The following PTPRN2 variants were observed in gnomAD, a reference collection of about 807,000 sequenced individuals.
PTPRN2 encodes protein tyrosine phosphatase receptor type N2, also known as receptor-type tyrosine-protein phosphatase N2.
In PTPRN2, 74 loss-of-function variants were observed where a neutral mutation model predicts 118.8. That is an observed-to-expected ratio of 0.62 (90% confidence interval 0.52 to 0.76). The LOEUF (loss-of-function observed/expected upper bound fraction) is 0.76, where lower values mean the gene tolerates loss of function less well. Ranked by LOEUF, PTPRN2 falls within the 30% of genes least tolerant of loss-of-function variation. The pLI is 0.00. For missense variants in PTPRN2, 1,481 were observed against 1,394.4 expected (o/e 1.06, Z -0.99); for synonymous variants, 641 against 608.0 (o/e 1.05, Z -0.80).
rs139310117 is a variant in PTPRN2, at chr7:158,405,546, G to A, written c.163+84189C>T. On this transcript the variant is annotated intron_variant, in intron 2 of 22. Transcript: ENST00000389418. ...GAAGGGAACAACAAACAAAGCCTCC[G>A]CAAGCTTGCTAAGAAACGGGGCATG... Among the ~76,000 whole-genome samples the A allele has an allele frequency of 4.9e-3, 744 of 152,320 alleles. 23 individuals carry two copies. The highest frequency in any genetic ancestry group is 1.5e-3 in the East Asian group (8 of 5,188).
chr7:157,834,932 C>T (rs73513272), intron 12 of PTPRN2, among the ~76,000 whole-genome samples: 7,352 of 152,274 alleles, frequency 0.048, 473 homozygotes, highest in African/African-American at 0.14. Context: ...GCCTACTCCC[C>T]GAGCCACAGA....
At chr7:157,575,068 A>C (rs1420220805) in intron 19 of PTPRN2, among the ~76,000 whole-genome samples, 2 of 152,202 alleles carry the variant, frequency 1.3e-5, no homozygotes, top group African/African-American at 4.8e-5. Context: ...TTGGTGATGA[A>C]TCATAAACAC....
chr7:158,041,029 T>C (rs867557776), intron 11 of PTPRN2, among the ~76,000 whole-genome samples: 1 of 152,160 alleles, frequency 6.6e-6, no homozygotes, highest in Non-Finnish European at 1.5e-5. Flanking sequence ...CCACGCCCGG[T>C]CCACCTGCTT....
intron 21 of PTPRN2, among the ~76,000 whole-genome samples, chr7:157,554,688 C>T (rs1798793616): frequency 6.6e-6 from 1 of 152,200 alleles, no homozygotes; most frequent in Non-Finnish European, 1.5e-5. Context: ...CATCGAAAAG[C>T]CTGCAAACAG....
intron 3 of PTPRN2, among the ~76,000 whole-genome samples, chr7:158,221,876 T>C (rs1828405044): frequency 6.6e-6 from 1 of 151,964 alleles, no homozygotes; most frequent in South Asian, 2.1e-4. Flanking sequence ...CTTAAATTAT[T>C]CAACAAGAAA....
rs11352464 is a variant in PTPRN2 at position 158,003,413 on chromosome 7, C to CAAAAAA, written c.1723+77879_1723+77884dup. Among the ~76,000 whole-genome samples the CAAAAAA allele has an allele frequency of 1.1e-5, 1 of 87,398 alleles. No individual in the cohort carries two copies. The highest frequency in any genetic ancestry group is 4.5e-5 in the African/African-American group (1 of 22,272). The allele number at this position is 87,398 out of a possible 152,430, so 57.3% of individuals were successfully genotyped here. ...TGGGAGACACAGCGAGACTCCGTCT[C>CAAAAAA]AAAAAAAAAAAAAAAAAAAAATGAG... is the stretch of plus-strand genomic sequence containing the variant. On this transcript the variant is annotated intron_variant, in intron 11 of 22. Coordinates refer to ENST00000389418, the MANE Select transcript of PTPRN2 (RefSeq NM_002847.5). This position sits in a 1 kb window ranked among gnomAD's most constrained non-coding sequence, Gnocchi z 5.0.
intron 3 of PTPRN2, among the ~76,000 whole-genome samples, chr7:158,278,236 AG>A (rs1293956386): frequency 2.6e-5 from 4 of 152,154 alleles, no homozygotes; most frequent in Non-Finnish European, 5.9e-5. Context: ...AATCGAATGC[AG>A]GGACCACCCA....
chr7:157,748,121 GTC>G (rs1563067193), intron 12 of PTPRN2, among the ~76,000 whole-genome samples: 43 of 148,670 alleles, frequency 2.9e-4, no homozygotes, highest in South Asian at 4.3e-4. Context: ...TCCCTGAGCT[GTC>G]TGGTGTCTGG....
At chr7:157,976,533 A>AGCCTCCACCATGAGGCCTCCCGTGCT (rs1802763504) in intron 11 of PTPRN2, among the ~76,000 whole-genome samples, 1 of 149,112 alleles carries the variant, frequency 6.7e-6, no homozygotes, top group African/African-American at 2.4e-5. Flanking sequence ...ACCTTACTGG[A>AGCCTCCACCATGAGGCCTCCCGTGCT]GCCTCCACCA....
intron 2 of PTPRN2, among the ~76,000 whole-genome samples, chr7:158,470,019 G>A (rs1819734652): frequency 6.6e-6 from 1 of 152,140 alleles, no homozygotes; most frequent in Admixed American, 6.5e-5. Context: ...AGAATTGGGA[G>A]CTGGGATTTG....
At chr7:158,296,897 G>A (rs2151035119) in intron 3 of PTPRN2, among the ~76,000 whole-genome samples, 1 of 152,354 alleles carries the variant, frequency 6.6e-6, no homozygotes, top group African/African-American at 2.4e-5. Flanking sequence ...AAGACCATGG[G>A]AAGACCACAG....
intron 12 of PTPRN2, among the ~76,000 whole-genome samples, chr7:157,697,419 C>G (rs1797845930): frequency 8.0e-6 from 1 of 124,298 alleles, no homozygotes. Context: ...CATACTGGAT[C>G]TTAGTAGAGC....
At chr7:158,279,036 G>A (rs959913532) in intron 3 of PTPRN2, among the ~76,000 whole-genome samples, 33 of 152,204 alleles carry the variant, frequency 2.2e-4, no homozygotes, top group Admixed American at 1.5e-3. Context: ...GACCCAAAGA[G>A]TGAGCACCAG....
At chr7:158,120,157 A>G (rs961694697) in intron 9 of PTPRN2, among the ~76,000 whole-genome samples, 4 of 152,186 alleles carry the variant, frequency 2.6e-5, no homozygotes, top group Non-Finnish European at 5.9e-5. Context: ...TCAAATTCAG[A>G]GAGACACAGA....
chr7:158,286,384 C>T (rs1799771163), intron 3 of PTPRN2, among the ~76,000 whole-genome samples: 1 of 152,140 alleles, frequency 6.6e-6, no homozygotes, highest in South Asian at 2.1e-4. Flanking sequence ...TTTTGCAATA[C>T]AGTGTTGAAA....
intron 12 of PTPRN2, among the ~76,000 whole-genome samples, chr7:157,829,702 A>G (rs776667561): frequency 6.6e-5 from 10 of 152,210 alleles, no homozygotes; most frequent in Admixed American, 1.3e-4. Context: ...TGAGAGCCCA[A>G]GTGGCTGCCC....
rs927859059 is a variant in PTPRN2, at chr7:157,629,669, C to A, written c.2197-8160G>T. Reference sequence around the variant, plus strand: ...GTGAAACTTCGTTCCTACAACGATGCTGCCAGCAGTGGAGACTTCTTCCCA... The same window carrying A: ...GTGAAACTTCGTTCCTACAACGATGATGCCAGCAGTGGAGACTTCTTCCCA... On this transcript the variant is annotated intron_variant, in intron 14 of 22. Coordinates refer to ENST00000389418, the MANE Select transcript of PTPRN2 (RefSeq NM_002847.5). This position sits in a 1 kb window ranked among gnomAD's most constrained non-coding sequence, Gnocchi z 4.4. 1.3e-5 allele frequency among the ~76,000 whole-genome samples: 2 copies of A among 152,216 alleles called. No homozygotes were observed. Among genetic ancestry groups the A allele is most frequent in the African/African-American group, 4.8e-5 (2 of 41,452 alleles).
chr7:158,563,729 C>T lies in PTPRN2; in HGVS notation c.112+23829G>A, dbSNP rs115681482. On this transcript the variant is annotated intron_variant, in intron 1 of 22. Coordinates refer to ENST00000389418, the MANE Select transcript of PTPRN2 (RefSeq NM_002847.5). This position sits in a 1 kb window ranked among gnomAD's most constrained non-coding sequence, Gnocchi z 5.1. ...ATGTGTGAGGGGAGAAGAGAGGGGC[C>T]TTCCATCTAGGGGCACAGTCTCCCT... Among the ~76,000 whole-genome samples, 833 of 152,382 alleles carry T rather than the reference C, an allele frequency of 5.5e-3. 11 individuals are homozygous for T. The highest frequency in any genetic ancestry group is 0.019 in the African/African-American group (798 of 41,590).
Position 157,676,346 on chromosome 7 carries a change from C to T in PTPRN2, c.2001+6379G>A, listed in dbSNP as rs895702596. ...AGCTCCACCCACCACCTGGCCCAGC[C>T]CCTCCTCTGTCATCTCCAAGGATTT... is the stretch of plus-strand genomic sequence containing the variant. On this transcript the variant is annotated intron_variant, in intron 13 of 22. Transcript: ENST00000389418. The surrounding 1 kb of genome is among the most constrained non-coding windows in gnomAD (Gnocchi z 5.6). Among the ~76,000 whole-genome samples the T allele has an allele frequency of 2.3e-4, 35 of 152,324 alleles. No individual in the cohort carries two copies. Among genetic ancestry groups the T allele is most frequent in the South Asian group, 4.1e-4 (2 of 4,824 alleles).
Sources: allele counts gnomAD v4.1 joint callset (sites outside exome capture counted in the v4.1 genomes callset), GRCh38; gene constraint gnomAD v4.1.1; non-coding constraint Gnocchi (gnomAD v3.1); transcripts MANE v1.5; gene names NCBI Gene and HGNC (gene_info 2026-07-23, HGNC 2026-07-21).